DIAPH2: variants seen among roughly 807,000 people sequenced by gnomAD.
DIAPH2 encodes protein diaphanous homolog 2.
DIAPH2 carries 35 observed loss-of-function variants against 92.7 expected under a neutral mutation model. That is an observed-to-expected ratio of 0.38 (90% CI 0.29 to 0.50). DIAPH2 has a LOEUF of 0.50. DIAPH2 is among the 20% of genes least tolerant of loss of function. The probability of loss-of-function intolerance (pLI) is 0.94; values close to 1 mark genes in which losing one functional copy is unlikely to be tolerated. For missense variants in DIAPH2, 701 were observed against 819.5 expected, an observed-to-expected ratio of 0.86 and a Z score of 1.77; for synonymous variants, 301 against 280.4, an observed-to-expected ratio of 1.07 and a Z score of -0.73.
chrX:97,000,505 C>T (rs1331126785), intron 17 of DIAPH2, among the ~76,000 whole-genome samples: 3 of 109,917 alleles, frequency 2.7e-5, no homozygotes, highest in African/African-American at 1.0e-4. Flanking sequence ...AATATTTGCC[C>T]ATGTGCCAGT....
At chrX:97,197,169 A>G (rs891280595) in intron 22 of DIAPH2, among the ~76,000 whole-genome samples, 20 of 111,968 alleles carry the variant, frequency 1.8e-4, no homozygotes, top group African/African-American at 6.5e-4. Flanking sequence ...TTGTTCTGCC[A>G]TTGCCTGGCT....
intron 21 of DIAPH2, among the ~76,000 whole-genome samples, chrX:97,130,592 GT>G (rs1212724527): frequency 8.9e-6 from 1 of 111,780 alleles, no homozygotes; most frequent in African/African-American, 3.3e-5. Flanking sequence ...TTTACCAAGG[GT>G]TGGGGGATAA....
intron 17 of DIAPH2, among the ~76,000 whole-genome samples, chrX:97,015,046 C>T (rs1253809300): frequency 9.0e-6 from 1 of 111,321 alleles, no homozygotes; most frequent in African/African-American, 3.3e-5. Flanking sequence ...AAAGCAGTTG[C>T]TTTTATTTTA....
intron 4 of DIAPH2, among the ~76,000 whole-genome samples, chrX:96,829,959 C>A (rs1415128119): frequency 9.3e-6 from 1 of 107,735 alleles, no homozygotes; most frequent in East Asian, 2.9e-4. Flanking sequence ...CTGGGAATAG[C>A]CAGGAAAAAA....
intron 9 of DIAPH2, among the ~76,000 whole-genome samples, chrX:96,925,754 G>C (rs1221892850): frequency 9.0e-6 from 1 of 111,638 alleles, no homozygotes; most frequent in East Asian, 2.8e-4. Flanking sequence ...TCTGGCTGTT[G>C]CTTTCTCTTT....
At position 96,927,367 on chromosome X, in the gene DIAPH2, A is replaced by G. The variant is rs190872945; in HGVS notation, c.979-3366A>G. Among the ~76,000 whole-genome samples, 55 of 103,572 alleles carry G rather than the reference A, an allele frequency of 5.3e-4. 1 individual carries two copies. The highest frequency in any genetic ancestry group is 1.8e-3 in the African/African-American group (51 of 27,694). 89.9% of individuals were successfully genotyped at this position (103,572 alleles called of 115,157 possible). ...GTACACTCATCTCTTAAAGATTTAT[A>G]TACTTGGAAGTTGAGCATATGAATT... On this transcript the variant is annotated intron_variant, in intron 9 of 26. Transcript: ENST00000324765.
chrX:97,398,537 G>T lies in DIAPH2; in HGVS notation c.3145+14493G>T, dbSNP rs141975980. 3.0e-3 allele frequency among the ~76,000 whole-genome samples: 328 copies of T among 110,311 alleles called. 2 individuals carry two copies. The highest frequency in any genetic ancestry group is 0.025 in the East Asian group (86 of 3,492). On this transcript the variant is annotated intron_variant, in intron 25 of 26. Coordinates refer to ENST00000324765, the MANE Select transcript of DIAPH2 (RefSeq NM_006729.5). ...CTCCCTCCTCAAGGGTGGAAGTGGG[G>T]GTAGGGGCAATGGTTGGCAGTGCAG... is the stretch of plus-strand genomic sequence containing the variant.
At chrX:97,015,430 C>T (rs927467126) in intron 17 of DIAPH2, among the ~76,000 whole-genome samples, 1 of 111,596 alleles carries the variant, frequency 9.0e-6, no homozygotes, top group East Asian at 2.8e-4. Context: ...TCAATTGTTT[C>T]CATTGTCTTT....
rs1555998003 is a variant in DIAPH2 at position 97,185,306 on chromosome X, AAT to A, written c.2719+43529_2719+43530del. ...TGAGACCCTGTCTCAAAAAAAAAAAAATATATATATATATATATGTGTATATA... is the reference window on the plus strand; with the variant it reads ...TGAGACCCTGTCTCAAAAAAAAAAAAATATATATATATATATGTGTATATA... On this transcript the variant is annotated intron_variant, in intron 22 of 26. Transcript: ENST00000324765. Among the ~76,000 whole-genome samples the A allele has an allele frequency of 5.5e-4, 19 of 34,454 alleles. 2 individuals are homozygous for A. In the Middle Eastern group the frequency reaches 0.054, roughly 97 times the overall value. 29.9% of individuals were successfully genotyped at this position (34,454 alleles called of 115,157 possible).
intron 22 of DIAPH2, among the ~76,000 whole-genome samples, chrX:97,165,766 A>G (rs2067407917): frequency 9.1e-6 from 1 of 110,331 alleles, no homozygotes; most frequent in African/African-American, 3.3e-5. Flanking sequence ...GCCTGAGATT[A>G]CAGGCATGAG....
At chrX:97,055,720 G>C (rs1284486364) in intron 17 of DIAPH2, among the ~76,000 whole-genome samples, 1 of 111,320 alleles carries the variant, frequency 9.0e-6, no homozygotes, top group Non-Finnish European at 1.9e-5. Context: ...ATAAGGAGTA[G>C]GTAGAAGTAG....
intron 22 of DIAPH2, among the ~76,000 whole-genome samples, chrX:97,213,666 A>G (rs1315548659): frequency 8.9e-6 from 1 of 112,434 alleles, no homozygotes; most frequent in Non-Finnish European, 1.9e-5. Flanking sequence ...CTTAAGCAAT[A>G]TACAAATGTA....
rs891953932 is a variant in DIAPH2 at position 97,539,661 on chromosome X, T to C, written c.3242-59592T>C. Among the ~76,000 whole-genome samples the C allele has an allele frequency of 6.2e-5, 7 of 112,203 alleles. No individual in the cohort carries two copies. In the East Asian group the frequency reaches 1.9e-3, roughly 31 times the overall value. On this transcript the variant is annotated intron_variant, in intron 26 of 26. Transcript: ENST00000324765. ...TTATTTTGTTTATTCATTCATTTAA[T>C]TTTGGCACTTAATTTTAAAAGAGCT...
chrX:96,879,420 G>A (rs1279659411), intron 4 of DIAPH2, among the ~76,000 whole-genome samples: 3 of 110,769 alleles, frequency 2.7e-5, no homozygotes, highest in African/African-American at 3.3e-5. Flanking sequence ...TAACTTTGAG[G>A]ATTATATGAA....
chrX:97,059,060 A>G (rs1212110693), intron 17 of DIAPH2, among the ~76,000 whole-genome samples: 1 of 111,849 alleles, frequency 8.9e-6, no homozygotes, highest in Non-Finnish European at 1.9e-5. Context: ...ATGTGAAGGG[A>G]GATGAACTGA....
intron 19 of DIAPH2, among the ~76,000 whole-genome samples, chrX:97,088,691 G>A (rs1391885238): frequency 8.9e-6 from 1 of 111,793 alleles, no homozygotes; most frequent in African/African-American, 3.2e-5. Flanking sequence ...AAAGATTTCT[G>A]AGAATTATAA....
At chrX:97,310,967 C>A (rs2068788916) in intron 23 of DIAPH2, among the ~76,000 whole-genome samples, 1 of 111,443 alleles carries the variant, frequency 9.0e-6, no homozygotes, top group African/African-American at 3.3e-5. Context: ...CGAGATTGCG[C>A]CATTGCACTC....
At chrX:97,525,265 A>T in intron 26 of DIAPH2, among the ~76,000 whole-genome samples, 1 of 112,293 alleles carries the variant, frequency 8.9e-6, no homozygotes, top group East Asian at 2.8e-4. Flanking sequence ...ATGGCATTCC[A>T]GCTTCCAGTC....
At chrX:97,264,436 C>A (rs949942534) in intron 23 of DIAPH2, among the ~76,000 whole-genome samples, 1 of 109,114 alleles carries the variant, frequency 9.2e-6, no homozygotes, top group Non-Finnish European at 1.9e-5. Context: ...GACACACAGA[C>A]ACACACACAC....
Sources: gnomAD v4.1 joint callset for allele counts (sites outside exome capture counted in the v4.1 genomes callset) on GRCh38, gnomAD v4.1.1 for gene constraint, MANE v1.5 for transcripts, NCBI Gene and HGNC (gene_info 2026-07-23, HGNC 2026-07-21) for gene names.